Variants in CACNA1E observed in about 807,000 individuals in gnomAD.
CACNA1E encodes the protein voltage-dependent R-type calcium channel subunit alpha-1E.
A neutral mutation model predicts 259.2 loss-of-function variants in CACNA1E; 40 were observed. The ratio of observed to expected loss-of-function variants is 0.15; its 90% CI spans 0.12 to 0.20. The LOEUF (loss-of-function observed/expected upper bound fraction) is 0.20. Ranked by LOEUF, CACNA1E falls within the 10% of genes least tolerant of loss-of-function variation. The pLI is 1.00. For synonymous variants in CACNA1E, 1,104 were observed against 1,138.5 expected, an observed-to-expected ratio of 0.97 and a Z score of 0.61; for missense variants, 1,874 against 3,040.1, an observed-to-expected ratio of 0.62 and a Z score of 9.02.
chr1:181,775,554 C>T (rs1182846204), intron 37 of CACNA1E, among the ~76,000 whole-genome samples: 2 of 152,150 alleles, frequency 1.3e-5, no homozygotes, highest in Non-Finnish European at 2.9e-5. Flanking sequence ...GCTTACAGAA[C>T]AATCTAGATC....
Position 181,757,813 on chromosome 1 carries a change from C to T in CACNA1E, c.4330-134C>T, listed in dbSNP as rs1002758535. ...GTCTGTAGTTTTGTCCAAGTGACCC[C>T]AGTTGCCATCTTTACTTGCCCAGCC... On this transcript the variant is annotated intron_variant, in intron 30 of 47. Transcript: ENST00000367573. The T allele has an allele frequency of 1.5e-5, 13 of 881,894 alleles. No individual in the cohort carries two copies. The African/African-American group carries it at 2.2e-4, about 15-fold the overall frequency. 54.6% of individuals were successfully genotyped at this position (881,894 alleles called of 1,614,324 possible). A position where few individuals can be genotyped will look rare whatever the true frequency, so the allele number is the denominator to read the frequency against.
chr1:181,657,585 T>C (rs1659307665), intron 7 of CACNA1E, among the ~76,000 whole-genome samples: 1 of 152,162 alleles, frequency 6.6e-6, no homozygotes, highest in African/African-American at 2.4e-5. Flanking sequence ...GAAATTAAAT[T>C]TTAAAGTAAA....
At chr1:181,422,365 T>C (rs1658813344) in intron 2 of CACNA1E, among the ~76,000 whole-genome samples, 1 of 152,182 alleles carries the variant, frequency 6.6e-6, no homozygotes, top group Non-Finnish European at 1.5e-5. Flanking sequence ...ACAGTGGCTA[T>C]GGTTATAGTT....
chr1:181,587,649 C>G (rs939136073), intron 6 of CACNA1E, among the ~76,000 whole-genome samples: 3 of 151,780 alleles, frequency 2.0e-5, no homozygotes, highest in African/African-American at 7.3e-5. Context: ...TTTGGGAGGC[C>G]GAGGCGGGCG....
chr1:181,414,254 A>T (rs931616807), intron 2 of CACNA1E, among the ~76,000 whole-genome samples: 2 of 152,140 alleles, frequency 1.3e-5, no homozygotes, highest in East Asian at 3.9e-4. Flanking sequence ...TGGATGCCGG[A>T]GTTTACTCGG....
chr1:181,581,093 T>C (rs184653925), intron 6 of CACNA1E, among the ~76,000 whole-genome samples: 1 of 152,232 alleles, frequency 6.6e-6, no homozygotes, highest in Non-Finnish European at 1.5e-5. Context: ...CGGTAGGGTA[T>C]AGTGAAGGGT....
intron 7 of CACNA1E, among the ~76,000 whole-genome samples, chr1:181,694,717 T>C (rs562245437): frequency 2.3e-4 from 35 of 152,174 alleles, no homozygotes; most frequent in Middle Eastern, 3.2e-3. Context: ...TATTCTGTTA[T>C]AGTGGCACAA....
intron 29 of CACNA1E, among the ~76,000 whole-genome samples, chr1:181,756,571 T>C (rs1014929395): frequency 1.3e-5 from 2 of 152,178 alleles, no homozygotes; most frequent in Non-Finnish European, 2.9e-5. Context: ...GAAAGCTAAT[T>C]TCTCAGAGAC....
At chr1:181,527,345 A>T (rs1317020964) in intron 3 of CACNA1E, among the ~76,000 whole-genome samples, 1 of 152,158 alleles carries the variant, frequency 6.6e-6, no homozygotes, top group East Asian at 1.9e-4. Context: ...AGTCCTCATG[A>T]CCTAATACCT....
upstream of CACNA1E, among the ~76,000 whole-genome samples, chr1:181,479,455 T>C (rs2102446026): frequency 6.6e-6 from 1 of 152,334 alleles, no homozygotes; most frequent in Middle Eastern, 3.4e-3. Flanking sequence ...ATTTTCCACA[T>C]TTCCATTTGT....
At chr1:181,750,771 C>T (rs997755989) in intron 26 of CACNA1E, among the ~76,000 whole-genome samples, 3 of 152,160 alleles carry the variant, frequency 2.0e-5, no homozygotes, top group Non-Finnish European at 4.4e-5. Flanking sequence ...TCTCTGGATG[C>T]TAAAGACCAC....
At chr1:181,537,051 A>T (rs1001488852) in intron 3 of CACNA1E, among the ~76,000 whole-genome samples, 11 of 149,412 alleles carry the variant, frequency 7.4e-5, no homozygotes, top group African/African-American at 2.7e-4. Context: ...TAGAGTGGTC[A>T]TATTCTCTTC....
At chr1:181,592,838 T>G (rs900210144) in intron 6 of CACNA1E, among the ~76,000 whole-genome samples, 2 of 152,174 alleles carry the variant, frequency 1.3e-5, no homozygotes, top group African/African-American at 4.8e-5. Context: ...TTGAGTCATA[T>G]TCTGTTAGTG....
intron 6 of CACNA1E, among the ~76,000 whole-genome samples, chr1:181,634,337 A>C (rs967680987): frequency 1.3e-5 from 2 of 152,218 alleles, no homozygotes; most frequent in Non-Finnish European, 2.9e-5. Context: ...CTAAGGGCAG[A>C]TACTCTGAAC....
intron 1 of CACNA1E, among the ~76,000 whole-genome samples, chr1:181,325,751 GGGAATCA>G (rs1650730283): frequency 6.6e-6 from 1 of 152,136 alleles, no homozygotes; most frequent in Non-Finnish European, 1.5e-5. Context: ...AACAGACTGA[GGGAATCA>G]GAAGCACCAC....
intron 1 of CACNA1E, among the ~76,000 whole-genome samples, chr1:181,337,334 T>TTA: frequency 6.6e-6 from 1 of 151,682 alleles, no homozygotes; most frequent in Non-Finnish European, 1.5e-5. Flanking sequence ...TTTTTGTATT[T>TTA]TTTTTTAGTA....
chr1:181,658,770 A>C (rs1659414467), intron 7 of CACNA1E, among the ~76,000 whole-genome samples: 2 of 152,162 alleles, frequency 1.3e-5, no homozygotes, highest in Admixed American at 1.3e-4. Flanking sequence ...ATATGAATAA[A>C]TTTTGACATT....
At chr1:181,613,683 C>T (rs73057734) in intron 6 of CACNA1E, among the ~76,000 whole-genome samples, 2,083 of 152,302 alleles carry the variant, frequency 0.014, 58 homozygotes, top group African/African-American at 0.047. Flanking sequence ...ATAAACCTAA[C>T]TGCATTTGCA....
chr1:181,615,150 A>G (rs1300659750), intron 6 of CACNA1E, among the ~76,000 whole-genome samples: 1 of 152,172 alleles, frequency 6.6e-6, no homozygotes, highest in African/African-American at 2.4e-5. Flanking sequence ...TTTTCTCATT[A>G]AAGTTTTATA....
Sources: gnomAD v4.1 joint callset for allele counts (sites outside exome capture counted in the v4.1 genomes callset) on GRCh38, gnomAD v4.1.1 for gene constraint, MANE v1.5 for transcripts, NCBI Gene and HGNC (gene_info 2026-07-23, HGNC 2026-07-21) for gene names.